DENND4C: variants seen among roughly 807,000 people sequenced by gnomAD.
DENND4C encodes DENN domain-containing protein 4C.
Under a neutral mutation model 203.0 loss-of-function variants are expected in DENND4C, and 108 were observed. That is an observed-to-expected ratio of 0.53 (90% confidence interval 0.46 to 0.62). The LOEUF (loss-of-function observed/expected upper bound fraction) is 0.62. Among genes scored for constraint, DENND4C ranks in the 20% least tolerant of loss-of-function variants. The pLI, the probability that DENND4C is intolerant of heterozygous loss-of-function variation, is 0.00. For missense variants in DENND4C, 2,481 were observed against 2,301.2 expected (o/e 1.08, Z -1.60); for synonymous variants, 871 against 792.4 (o/e 1.10, Z -1.67).
rs894407021 is a variant in DENND4C at position 19,313,324 on chromosome 9, G to T, written c.1488-3093G>T. ...TTACAATTGATGGCCCCTTAGATTA[G>T]ATGAAATGTAGTTCATCTACCCACA... is the stretch of plus-strand genomic sequence containing the variant. On this transcript the variant is annotated intron_variant, in intron 10 of 32. Transcript: ENST00000434457. Among the ~76,000 whole-genome samples, 29 of 152,102 alleles carry T rather than the reference G, an allele frequency of 1.9e-4. 1 individual carries two copies. Among genetic ancestry groups the T allele is most frequent in the Admixed American group, 1.2e-3 (18 of 15,268 alleles).
At chr9:19,302,999 CT>C (rs57139336) in intron 9 of DENND4C, among the ~76,000 whole-genome samples, 4,124 of 144,396 alleles carry the variant, frequency 0.029, 175 homozygotes, top group African/African-American at 0.093. Flanking sequence ...TTTACTTTTC[CT>C]TTTTTTTTTT....
At chr9:19,241,937 T>C (rs547785629) in intron 1 of DENND4C, among the ~76,000 whole-genome samples, 5 of 152,184 alleles carry the variant, frequency 3.3e-5, no homozygotes, top group African/African-American at 9.6e-5. Flanking sequence ...ATGCTTGTAA[T>C]CCCACTGCTT....
intron 24 of DENND4C, 63 bp from the exon 25 acceptor site, chr9:19,352,010 A>G (rs181896615): frequency 1.5e-6 from 2 of 1,364,322 alleles, no homozygotes; most frequent in East Asian, 2.3e-5. Flanking sequence ...ATACTTTGGC[A>G]TGCATTTTCA....
Position 19,232,600 on chromosome 9 carries a change from A to G in DENND4C, c.-18+1767A>G, listed in dbSNP as rs149057639. Among the ~76,000 whole-genome samples the G allele has an allele frequency of 9.9e-4, 151 of 152,300 alleles. 1 individual carries two copies. The Middle Eastern group carries it at 0.01, about 10-fold the overall frequency. On this transcript the variant is annotated intron_variant, in intron 1 of 32. Transcript: ENST00000434457. ...TAAATGAGTGCATTCTATTGTCGAGAGTAAATACAGTATTTTGTAGTATAA... is the reference window on the plus strand; with the variant it reads ...TAAATGAGTGCATTCTATTGTCGAGGGTAAATACAGTATTTTGTAGTATAA...
At chr9:19,332,522 T>A (rs1227101844) in intron 17 of DENND4C, among the ~76,000 whole-genome samples, 1 of 150,256 alleles carries the variant, frequency 6.7e-6, no homozygotes, top group Non-Finnish European at 1.5e-5. Context: ...GGCTAATTTT[T>A]TTTTTTTTTT....
intron 10 of DENND4C, among the ~76,000 whole-genome samples, chr9:19,308,899 A>G (rs1471318141): frequency 6.6e-6 from 1 of 152,194 alleles, no homozygotes. Flanking sequence ...ATCTCTTGCC[A>G]GTATTATACT....
intron 26 of DENND4C, among the ~76,000 whole-genome samples, chr9:19,356,391 A>G (rs1825402441): frequency 6.6e-6 from 1 of 152,158 alleles, no homozygotes; most frequent in African/African-American, 2.4e-5. Context: ...AACCCTTAGA[A>G]AACATTACCA....
At chr9:19,309,073 A>T (rs1840249730) in intron 10 of DENND4C, among the ~76,000 whole-genome samples, 1 of 152,168 alleles carries the variant, frequency 6.6e-6, no homozygotes, top group South Asian at 2.1e-4. Flanking sequence ...AGAGGATGGG[A>T]GTATTGGAAG....
At chr9:19,369,727 A>G (rs1293582436) in intron 30 of DENND4C, 110 bp from the exon 31 acceptor site, 3 of 617,766 alleles carry the variant, frequency 4.9e-6, no homozygotes, top group African/African-American at 3.9e-5. Flanking sequence ...TGATCACATC[A>G]CTGCACTCCA....
At chr9:19,232,233 T>A (rs1240853826) in intron 1 of DENND4C, among the ~76,000 whole-genome samples, 1 of 152,216 alleles carries the variant, frequency 6.6e-6, no homozygotes, top group Non-Finnish European at 1.5e-5. Context: ...ATGAACATGA[T>A]CTGCCTGTCA....
intron 30 of DENND4C, among the ~76,000 whole-genome samples, chr9:19,364,148 A>G (rs1827117302): frequency 2.6e-5 from 4 of 151,904 alleles, no homozygotes; most frequent in African/African-American, 9.7e-5. Context: ...GCACCAGTGT[A>G]CTCCAGCCTG....
At chr9:19,290,534 G>A (rs995014164) in intron 4 of DENND4C, among the ~76,000 whole-genome samples, 170 bp from the exon 5 acceptor site, 1 of 152,122 alleles carries the variant, frequency 6.6e-6, no homozygotes, top group Non-Finnish European at 1.5e-5. Flanking sequence ...TAAAATATCA[G>A]GGGTAAACTT....
intron 30 of DENND4C, among the ~76,000 whole-genome samples, chr9:19,367,795 A>G (rs1445824380): frequency 2.0e-5 from 3 of 152,220 alleles, no homozygotes. Flanking sequence ...TATCCATACA[A>G]TGGAATTTCA....
rs1024852884 is a variant in DENND4C, at chr9:19,276,432, C to T, written c.258C>T (p.Phe86=). The T allele has an allele frequency of 6.1e-5, 75 of 1,231,964 alleles. No individual in the cohort carries two copies. Among genetic ancestry groups the T allele is most frequent in the South Asian group, 2.9e-4 (7 of 24,310 alleles). 76.3% of individuals were successfully genotyped at this position (1,231,964 alleles called of 1,614,324 possible). ...GAAGTCTGAAAAGCCCAGAACTTTTCCTCTGTTATAAGAGAGGGAGAGATA... is the reference window on the plus strand; with the variant it reads ...GAAGTCTGAAAAGCCCAGAACTTTTTCTCTGTTATAAGAGAGGGAGAGATA... ...NYGSLKSPEL[F]LCYKRGRDKP... The change falls in exon 2 of 33, where the codon TTC becomes TTT. Residue 86 remains phenylalanine, a synonymous_variant. Coordinates refer to ENST00000434457, the MANE Select transcript of DENND4C (RefSeq NM_001330640.2).
At chr9:19,354,871 T>TTATGAATA (rs1825031681) in intron 26 of DENND4C, among the ~76,000 whole-genome samples, 5 of 151,488 alleles carry the variant, frequency 3.3e-5, no homozygotes, top group Non-Finnish European at 7.4e-5. Flanking sequence ...TATGAATTGG[T>TTATGAATA]TGCTTATGTT....
intron 1 of DENND4C, among the ~76,000 whole-genome samples, chr9:19,236,636 C>T (rs1822035661): frequency 6.6e-6 from 1 of 152,110 alleles, no homozygotes. Flanking sequence ...GTTCATCATC[C>T]AGAACATCTT....
intron 15 of DENND4C, among the ~76,000 whole-genome samples, chr9:19,327,731 T>C (rs1400152046): frequency 1.3e-5 from 2 of 152,072 alleles, no homozygotes; most frequent in African/African-American, 4.8e-5. Context: ...ACATAAATTA[T>C]TGAATACATG....
intron 1 of DENND4C, among the ~76,000 whole-genome samples, chr9:19,273,717 T>G (rs1255276478): frequency 6.6e-6 from 1 of 151,844 alleles, no homozygotes; most frequent in East Asian, 1.9e-4. Context: ...AAACCAGAAG[T>G]TGATATCAGT....
chr9:19,253,498 A>G (rs1230024932), intron 1 of DENND4C, among the ~76,000 whole-genome samples: 1 of 152,346 alleles, frequency 6.6e-6, no homozygotes, highest in East Asian at 1.9e-4. Flanking sequence ...GACCCAGTCA[A>G]CATGACTTTG....
Sources: allele counts gnomAD v4.1 joint callset (sites outside exome capture counted in the v4.1 genomes callset), GRCh38; gene constraint gnomAD v4.1.1; transcripts MANE v1.5; gene names NCBI Gene and HGNC (gene_info 2026-07-23, HGNC 2026-07-21).